Variants in UTRN observed in about 807,000 individuals in gnomAD.
UTRN encodes the protein utrophin, also known as dystrophin-related protein 1.
Under a neutral mutation model 463.9 loss-of-function variants are expected in UTRN, and 283 were observed. That is an observed-to-expected ratio of 0.61 (90% CI 0.55 to 0.67). UTRN has a LOEUF of 0.67. UTRN is among the 30% of genes least tolerant of loss of function. UTRN has a pLI of 0.00. For missense variants in UTRN, 3,922 were observed against 4,084.3 expected (o/e 0.96, Z 1.08); for synonymous variants, 1,442 against 1,431.5 (o/e 1.01, Z -0.17).
intron 23 of UTRN, among the ~76,000 whole-genome samples, chr6:144,470,181 T>TC (rs749974233): frequency 1.2e-4 from 18 of 152,190 alleles, no homozygotes; most frequent in Admixed American, 2.6e-4. Flanking sequence ...AAAACTGCCA[T>TC]CGTCATCATG....
intron 2 of UTRN, among the ~76,000 whole-genome samples, chr6:144,361,874 T>A (rs1041425620): frequency 6.6e-6 from 1 of 151,720 alleles, no homozygotes; most frequent in Non-Finnish European, 1.5e-5. Context: ...CTAAAAGTGC[T>A]GAGATTACAG....
intron 65 of UTRN, among the ~76,000 whole-genome samples, chr6:144,816,857 G>A (rs2128751789): frequency 6.6e-6 from 1 of 151,300 alleles, no homozygotes; most frequent in East Asian, 1.9e-4. Context: ...TGGCATTACA[G>A]GTGTGAGCCA....
At chr6:144,466,059 G>A (rs1789929753) in intron 23 of UTRN, among the ~76,000 whole-genome samples, 1 of 152,130 alleles carries the variant, frequency 6.6e-6, no homozygotes, top group Non-Finnish European at 1.5e-5. Context: ...ATTAACAGTG[G>A]ATCCTTGTAC....
At chr6:144,605,388 G>A (rs971270836) in intron 51 of UTRN, among the ~76,000 whole-genome samples, 1 of 151,946 alleles carries the variant, frequency 6.6e-6, no homozygotes, top group African/African-American at 2.4e-5. Flanking sequence ...AGATGAATTA[G>A]GATAGAATAG....
At chr6:144,698,447 C>T (rs142204461) in intron 52 of UTRN, among the ~76,000 whole-genome samples, 87 of 152,314 alleles carry the variant, frequency 5.7e-4, no homozygotes, top group Non-Finnish European at 1.2e-3. Context: ...TTTCACACAG[C>T]GTTTTTTAAT....
intron 66 of UTRN, among the ~76,000 whole-genome samples, chr6:144,826,007 G>A (rs1780143154): frequency 8.9e-6 from 1 of 112,126 alleles, no homozygotes. Context: ...TGGGGTGGGG[G>A]GAGGGGAGAG....
chr6:144,759,450 T>A (rs1044864379), intron 58 of UTRN, among the ~76,000 whole-genome samples: 4 of 152,118 alleles, frequency 2.6e-5, no homozygotes, highest in Admixed American at 6.6e-5. Flanking sequence ...TAGATATAAA[T>A]CTGATGTACT....
chr6:144,748,099 T>C, intron 54 of UTRN, 147 bp from the exon 55 acceptor site: 1 of 997,352 alleles, frequency 1.0e-6, no homozygotes, highest in Non-Finnish European at 1.4e-6. Context: ...GAGAAATTCT[T>C]TCTTACCCTG....
chr6:144,836,649 C>T (rs1781132508), intron 71 of UTRN, 108 bp downstream of exon 71: 7 of 1,474,570 alleles, frequency 4.7e-6, no homozygotes, highest in Non-Finnish European at 6.3e-6. Flanking sequence ...CTTTCAATTT[C>T]TTACCTCCGT....
At chr6:144,577,319 G>A in intron 51 of UTRN, 31 bp downstream of exon 51, 1 of 1,602,692 alleles carries the variant, frequency 6.2e-7, no homozygotes, top group Non-Finnish European at 8.5e-7. Flanking sequence ...ACCAGTACCT[G>A]TGTTTGCCCT....
chr6:144,719,069 T>A (rs1038869051), intron 53 of UTRN, among the ~76,000 whole-genome samples: 1 of 152,224 alleles, frequency 6.6e-6, no homozygotes, highest in Non-Finnish European at 1.5e-5. Context: ...ACTACTTCCT[T>A]CTACTGCAGA....
At chr6:144,387,418 C>G (rs1304450334) in intron 2 of UTRN, among the ~76,000 whole-genome samples, 1 of 152,160 alleles carries the variant, frequency 6.6e-6, no homozygotes, top group African/African-American at 2.4e-5. Context: ...AGATTACAGG[C>G]ATGAGCCACC....
chr6:144,730,239 A>T, intron 53 of UTRN, 118 bp from the exon 54 acceptor site: 1 of 1,164,118 alleles, frequency 8.6e-7, no homozygotes, highest in East Asian at 2.9e-5. Context: ...CTTAGCTGAA[A>T]TGCTTGCTAT....
At chr6:144,578,480 G>A (rs989757957) in intron 51 of UTRN, among the ~76,000 whole-genome samples, 16 of 152,212 alleles carry the variant, frequency 1.1e-4, no homozygotes, top group African/African-American at 3.6e-4. Context: ...GATTACAGGT[G>A]TGCTCCACCA....
At chr6:144,609,171 T>G (rs1253136092) in intron 51 of UTRN, among the ~76,000 whole-genome samples, 1 of 152,114 alleles carries the variant, frequency 6.6e-6, no homozygotes, top group Non-Finnish European at 1.5e-5. Context: ...AAAGAAAAAG[T>G]AAGGTCTAAT....
At chr6:144,537,773 AG>A in intron 44 of UTRN, 56 bp downstream of exon 44, 1 of 1,565,820 alleles carries the variant, frequency 6.4e-7, no homozygotes, top group South Asian at 1.2e-5. Context: ...TATACTTCAG[AG>A]TCACATACTG....
At chr6:144,447,117 C>T (rs1787771248) in intron 14 of UTRN, 94 bp from the exon 15 acceptor site, 2 of 1,161,660 alleles carry the variant, frequency 1.7e-6, no homozygotes, top group East Asian at 2.6e-5. Context: ...GGTGAAGCCT[C>T]TAATAAAATA....
At chr6:144,302,241 T>A (rs1313882809) in intron 2 of UTRN, among the ~76,000 whole-genome samples, 1 of 152,190 alleles carries the variant, frequency 6.6e-6, no homozygotes, top group Non-Finnish European at 1.5e-5. Flanking sequence ...CCGTGTGCAG[T>A]GGCTCATGCC....
At chr6:144,667,647 TA>T (rs1780562836) in intron 51 of UTRN, among the ~76,000 whole-genome samples, 1 of 152,216 alleles carries the variant, frequency 6.6e-6, no homozygotes, top group African/African-American at 2.4e-5. Flanking sequence ...TATGTCTCTT[TA>T]GAGGTCTTAA....
Sources: gnomAD v4.1 joint callset for allele counts (sites outside exome capture counted in the v4.1 genomes callset) on GRCh38, gnomAD v4.1.1 for gene constraint, MANE v1.5 for transcripts, NCBI Gene and HGNC (gene_info 2026-07-23, HGNC 2026-07-21) for gene names.